MAD1L1: variants seen among roughly 807,000 people sequenced by gnomAD.
The protein encoded by MAD1L1 is mitotic arrest deficient 1 like 1.
In MAD1L1, 95 loss-of-function variants were observed where a neutral mutation model predicts 96.9. The observed-to-expected ratio is 0.98, with a 90% CI of 0.83 to 1.16. The LOEUF is 1.16. Ranked by LOEUF, MAD1L1 falls within the 50% of genes most tolerant of loss-of-function variation. The pLI, the probability that MAD1L1 is intolerant of heterozygous loss-of-function variation, is 0.00. For synonymous variants in MAD1L1, 473 were observed against 396.6 expected, an observed-to-expected ratio of 1.19 and a Z score of -2.29; for missense variants, 1,007 against 954.4, an observed-to-expected ratio of 1.06 and a Z score of -0.73.
intron 18 of MAD1L1, among the ~76,000 whole-genome samples, chr7:1,834,377 T>C (rs1782846611): frequency 1.3e-5 from 2 of 152,160 alleles, no homozygotes; most frequent in South Asian, 4.1e-4. Context: ...CCCAAAGCTG[T>C]TTCTAGCCAG....
chr7:1,873,303 C>T (rs1785204388), intron 18 of MAD1L1, among the ~76,000 whole-genome samples: 1 of 152,198 alleles, frequency 6.6e-6, no homozygotes, highest in South Asian at 2.1e-4. Context: ...TGTCCTGGGG[C>T]CTCAATGGGC....
chr7:2,204,262 C>A (rs952810396), intron 10 of MAD1L1, among the ~76,000 whole-genome samples: 5 of 152,184 alleles, frequency 3.3e-5, no homozygotes, highest in Non-Finnish European at 7.4e-5. Flanking sequence ...GTCCAAGTCG[C>A]CACTAAGGAA....
chr7:2,105,500 C>T (rs535147745), intron 11 of MAD1L1, among the ~76,000 whole-genome samples: 13 of 152,222 alleles, frequency 8.5e-5, no homozygotes, highest in Non-Finnish European at 1.5e-4. Context: ...GATCATCACC[C>T]GAGGCATTCA....
intron 11 of MAD1L1, among the ~76,000 whole-genome samples, chr7:2,094,407 G>A (rs879563020): frequency 5.3e-5 from 8 of 152,202 alleles, no homozygotes; most frequent in East Asian, 1.9e-4. Flanking sequence ...CTGAGGAGGC[G>A]CTACCCTTCA....
intron 13 of MAD1L1, 100 bp downstream of exon 13, chr7:2,014,402 G>A (rs1782437190): frequency 1.4e-6 from 2 of 1,410,844 alleles, no homozygotes; most frequent in Non-Finnish European, 1.9e-6. Context: ...AACTGGGGAG[G>A]CGGGGTCCAG....
intron 12 of MAD1L1, among the ~76,000 whole-genome samples, chr7:2,061,996 T>G (rs1240455399): frequency 6.6e-6 from 1 of 151,730 alleles, no homozygotes; most frequent in Non-Finnish European, 1.5e-5. Context: ...ATCCCAGCAC[T>G]TTGGGAGGCC....
At chr7:1,835,325 A>T (rs1391925040) in intron 18 of MAD1L1, among the ~76,000 whole-genome samples, 2 of 152,232 alleles carry the variant, frequency 1.3e-5, no homozygotes, top group African/African-American at 2.4e-5. Flanking sequence ...GTGAAATAAC[A>T]CAAGAACAAG....
chr7:1,817,759 C>T (rs1781897550), intron 18 of MAD1L1, among the ~76,000 whole-genome samples: 2 of 152,174 alleles, frequency 1.3e-5, no homozygotes, highest in South Asian at 4.1e-4. Flanking sequence ...GCTCCCTCCG[C>T]CCGGCAGCCC....
chr7:2,121,939 C>T (rs1363824836), intron 11 of MAD1L1, among the ~76,000 whole-genome samples: 1 of 152,114 alleles, frequency 6.6e-6, no homozygotes, highest in Non-Finnish European at 1.5e-5. Flanking sequence ...GGCAAAGGCG[C>T]ACAGAAGGGC....
intron 11 of MAD1L1, among the ~76,000 whole-genome samples, chr7:2,081,518 C>A (rs753822730): frequency 6.6e-6 from 1 of 152,212 alleles, no homozygotes; most frequent in Non-Finnish European, 1.5e-5. Context: ...GCCAAAAATC[C>A]CCGCATCGGG....
chr7:1,979,501 C>T (rs71523289), intron 15 of MAD1L1, among the ~76,000 whole-genome samples: 101 of 152,378 alleles, frequency 6.6e-4, no homozygotes, highest in Non-Finnish European at 1.2e-3. Context: ...CTGGATGGGG[C>T]AGCGCCAACA....
intron 10 of MAD1L1, among the ~76,000 whole-genome samples, chr7:2,187,022 A>G (rs201702164): frequency 6.6e-6 from 1 of 151,662 alleles, no homozygotes; most frequent in Admixed American, 6.6e-5. Flanking sequence ...TGAACTCCCA[A>G]CCTCAGGTGA....
chr7:2,134,058 CA>C (rs1445417367), intron 11 of MAD1L1, among the ~76,000 whole-genome samples: 5 of 152,240 alleles, frequency 3.3e-5, no homozygotes, highest in Non-Finnish European at 5.9e-5. Context: ...TTGATATCCA[CA>C]AATATAACTT....
At chr7:2,007,788 C>T (rs1021669691) in intron 13 of MAD1L1, among the ~76,000 whole-genome samples, 10 of 152,236 alleles carry the variant, frequency 6.6e-5, no homozygotes, top group African/African-American at 2.4e-4. Context: ...TTCACAGCAG[C>T]TCTGTCCCAG....
chr7:1,905,652 G>T (rs6461002), intron 17 of MAD1L1, among the ~76,000 whole-genome samples: 15,172 of 152,192 alleles, frequency 0.1, 2,471 homozygotes, highest in African/African-American at 0.34. Context: ...ACTGTTCCAG[G>T]TGCTTGGAAT....
intron 16 of MAD1L1, among the ~76,000 whole-genome samples, chr7:1,948,426 C>T (rs1463716905): frequency 1.3e-5 from 2 of 152,200 alleles, no homozygotes; most frequent in Non-Finnish European, 2.9e-5. Flanking sequence ...CAGCTTTCCC[C>T]AGCAGGACAC....
chr7:1,913,764 G>A (rs927349473), intron 17 of MAD1L1, among the ~76,000 whole-genome samples: 1 of 152,166 alleles, frequency 6.6e-6, no homozygotes, highest in Non-Finnish European at 1.5e-5. Context: ...GAGCCACTGG[G>A]GCTGCAATGC....
chr7:1,973,336 G>C (rs1051055464), intron 15 of MAD1L1, among the ~76,000 whole-genome samples: 2 of 152,188 alleles, frequency 1.3e-5, no homozygotes, highest in African/African-American at 4.8e-5. Context: ...GGCAGAGTGG[G>C]AGTTCTGCCA....
intron 10 of MAD1L1, among the ~76,000 whole-genome samples, chr7:2,203,241 A>C (rs1326830678): frequency 1.3e-5 from 2 of 151,904 alleles, no homozygotes; most frequent in African/African-American, 2.4e-5. Context: ...CTTGACACCC[A>C]CTCCCTTCCT....
Sources: allele counts gnomAD v4.1 joint callset (sites outside exome capture counted in the v4.1 genomes callset), GRCh38; gene constraint gnomAD v4.1.1; transcripts MANE v1.5; gene names NCBI Gene and HGNC (gene_info 2026-07-23, HGNC 2026-07-21).